EEFSEC: variants seen among roughly 807,000 people sequenced by gnomAD.
EEFSEC encodes the protein eukaryotic elongation factor, selenocysteine-tRNA specific, also known as selenocysteine-specific elongation factor.
Under a neutral mutation model 42.1 loss-of-function variants are expected in EEFSEC, and 43 were observed. That is an observed-to-expected ratio of 1.02 (90% CI 0.80 to 1.32). The LOEUF is 1.32. EEFSEC is among the 40% of genes most tolerant of loss of function. The pLI is 0.00. For missense variants in EEFSEC, 745 were observed against 803.6 expected (o/e 0.93, Z 0.88); for synonymous variants, 354 against 339.1 (o/e 1.04, Z -0.48).
At chr3:128,356,665 T>TATGGTGAAAAGTCCCC (rs2067458883) in intron 5 of EEFSEC, among the ~76,000 whole-genome samples, 1 of 152,218 alleles carries the variant, frequency 6.6e-6, no homozygotes, top group Non-Finnish European at 1.5e-5. Flanking sequence ...AGAAAAGGTG[T>TATGGTGAAAAGTCCCC]ATGGTGAAAA....
the EEFSEC span, among the ~76,000 whole-genome samples, chr3:128,419,314 G>C: frequency 1.3e-5 from 2 of 152,214 alleles, no homozygotes; most frequent in Non-Finnish European, 2.9e-5. Flanking sequence ...GTGCTGTGTG[G>C]CCATAGAGTG....
intron 4 of EEFSEC, among the ~76,000 whole-genome samples, chr3:128,301,159 G>C (rs1433388327): frequency 1.3e-5 from 2 of 152,158 alleles, no homozygotes; most frequent in African/African-American, 4.8e-5. Context: ...TCCTGGGGGG[G>C]TCATGCTTTA....
the EEFSEC span, among the ~76,000 whole-genome samples, chr3:128,413,783 G>A: frequency 1.3e-5 from 2 of 152,190 alleles, no homozygotes; most frequent in African/African-American, 4.8e-5. Context: ...ACTCGGCCCC[G>A]AGCCTCCAGC....
chr3:128,273,244 G>C (rs1018327303), intron 4 of EEFSEC, among the ~76,000 whole-genome samples: 3 of 152,180 alleles, frequency 2.0e-5, no homozygotes, highest in Non-Finnish European at 2.9e-5. Flanking sequence ...CTTTCTCCTG[G>C]CTTGAGGATT....
chr3:128,218,398 C>T (rs1402371685), intron 1 of EEFSEC, among the ~76,000 whole-genome samples: 3 of 152,220 alleles, frequency 2.0e-5, no homozygotes, highest in Non-Finnish European at 2.9e-5. Context: ...AGTGGCCAGA[C>T]ACCAGCTGTA....
chr3:128,415,976 C>A, the EEFSEC span, among the ~76,000 whole-genome samples: 1 of 152,224 alleles, frequency 6.6e-6, no homozygotes, highest in African/African-American at 2.4e-5. Context: ...CTAGCCCAAG[C>A]CTGCCAGGTC....
In EEFSEC at chr3:128,339,698, C is replaced by T. The variant is rs539008900; in HGVS notation, c.787-1535C>T. 1.7e-4 allele frequency among the ~76,000 whole-genome samples: 26 copies of T among 152,262 alleles called. 1 individual carries two copies. In the South Asian group the frequency reaches 4.6e-3, roughly 27 times the overall value. On this transcript the variant is annotated intron_variant, in intron 4 of 6. Transcript: ENST00000254730. The stretch of plus-strand genomic sequence containing the variant: ...GGGCCTTGCACTCTACTGTGGGGCC[C>T]GAGCCTTGACCTCTGTGTTAGTCCG...
intron 1 of EEFSEC, among the ~76,000 whole-genome samples, chr3:128,216,004 G>T (rs1042057914): frequency 3.3e-5 from 5 of 152,070 alleles, no homozygotes; most frequent in African/African-American, 1.2e-4. Context: ...GATCCTAAAG[G>T]GAAAGAGACC....
At position 128,328,096 on chromosome 3, in the gene EEFSEC, G is replaced by T. The variant is rs536786158; in HGVS notation, c.787-13137G>T. Among the ~76,000 whole-genome samples the T allele has an allele frequency of 7.6e-4, 115 of 152,192 alleles. 9 individuals are homozygous for T. The highest frequency in any genetic ancestry group is 2.8e-4 in the Non-Finnish European group (19 of 68,042). ...CCTTCAATTTTCACAGAATCCCTGT[G>T]GCTAGGACCTGGTACCCTTAGTCTA... On this transcript the variant is annotated intron_variant, in intron 4 of 6. Transcript: ENST00000254730.
intron 1 of EEFSEC, among the ~76,000 whole-genome samples, chr3:128,165,686 A>AT (rs2065236806): frequency 6.6e-6 from 1 of 152,212 alleles, no homozygotes; most frequent in East Asian, 1.9e-4. Flanking sequence ...GAGGATATTT[A>AT]TTTGGTGCCA....
intron 4 of EEFSEC, among the ~76,000 whole-genome samples, chr3:128,272,435 C>T (rs972881107): frequency 2.6e-5 from 4 of 152,164 alleles, no homozygotes; most frequent in African/African-American, 9.7e-5. Context: ...GGATGTGACG[C>T]CTGGACTCAG....
intron 1 of EEFSEC, among the ~76,000 whole-genome samples, chr3:128,188,310 G>A (rs1014323814): frequency 6.6e-6 from 1 of 152,204 alleles, no homozygotes; most frequent in Admixed American, 6.5e-5. Flanking sequence ...AGGTATGGGT[G>A]TGGGATGAGG....
chr3:128,159,880 C>T (rs1944449090), intron 1 of EEFSEC, among the ~76,000 whole-genome samples: 1 of 152,244 alleles, frequency 6.6e-6, no homozygotes, highest in Admixed American at 6.5e-5. Context: ...CCCAGCAGCC[C>T]TTTTCACTAC....
chr3:128,200,350 G>A (rs372670385), intron 1 of EEFSEC, among the ~76,000 whole-genome samples: 2 of 151,644 alleles, frequency 1.3e-5, no homozygotes, highest in African/African-American at 2.4e-5. Context: ...GTGCAATGGC[G>A]CGATCTTGGC....
the EEFSEC span, among the ~76,000 whole-genome samples, chr3:128,414,935 C>G: frequency 6.6e-6 from 1 of 152,164 alleles, no homozygotes; most frequent in East Asian, 1.9e-4. Context: ...CATCAGCTGG[C>G]CTTGGCACTG....
intron 1 of EEFSEC, among the ~76,000 whole-genome samples, chr3:128,183,426 GTGTATAC>G (rs2065431445): frequency 6.6e-6 from 1 of 152,186 alleles, no homozygotes; most frequent in South Asian, 2.1e-4. Context: ...AGAGTTGATT[GTGTATAC>G]TCTATGTCTG....
chr3:128,362,791 C>T (rs536811153), intron 6 of EEFSEC, among the ~76,000 whole-genome samples: 3 of 152,336 alleles, frequency 2.0e-5, no homozygotes, highest in African/African-American at 4.8e-5. Flanking sequence ...GCCACAGCCG[C>T]GGCCTCATCC....
At chr3:128,358,465 G>T in intron 6 of EEFSEC, 92 bp downstream of exon 6, 1 of 1,542,020 alleles carries the variant, frequency 6.5e-7, no homozygotes, top group Non-Finnish European at 8.8e-7. Flanking sequence ...CCTTGGCTTA[G>T]GTTCCTAATC....
chr3:128,335,714 C>G (rs1365088549), intron 4 of EEFSEC, among the ~76,000 whole-genome samples: 1 of 152,124 alleles, frequency 6.6e-6, no homozygotes, highest in African/African-American at 2.4e-5. Flanking sequence ...TGGGGAAGAA[C>G]AGGCTCTTGG....
Sources: allele counts gnomAD v4.1 joint callset (sites outside exome capture counted in the v4.1 genomes callset), GRCh38; gene constraint gnomAD v4.1.1; transcripts MANE v1.5; gene names NCBI Gene and HGNC (gene_info 2026-07-23, HGNC 2026-07-21).